The following UBE4B variants were observed in gnomAD, a reference collection of about 807,000 sequenced individuals.
UBE4B encodes ubiquitin conjugation factor E4 B.
Under a neutral mutation model 148.1 loss-of-function variants are expected in UBE4B, and 27 were observed. The ratio of observed to expected loss-of-function variants is 0.18; its 90% CI spans 0.13 to 0.25. The LOEUF is 0.25. Ranked by LOEUF, UBE4B falls within the 10% of genes least tolerant of loss-of-function variation. The probability of loss-of-function intolerance (pLI) is 1.00; values close to 1 mark genes in which losing one functional copy is unlikely to be tolerated. For synonymous variants in UBE4B, 596 were observed against 619.3 expected (o/e 0.96, Z 0.56); for missense variants, 1,170 against 1,662.4 (o/e 0.70, Z 5.15).
At chr1:10,117,021 C>T (rs933285396) in intron 7 of UBE4B, among the ~76,000 whole-genome samples, 1 of 152,138 alleles carries the variant, frequency 6.6e-6, no homozygotes, top group South Asian at 2.1e-4. Flanking sequence ...CTTTTGAGAT[C>T]CATGGTAGAA....
At chr1:10,037,218 G>C (rs1643573487) in intron 1 of UBE4B, among the ~76,000 whole-genome samples, 1 of 152,128 alleles carries the variant, frequency 6.6e-6, no homozygotes, top group African/African-American at 2.4e-5. Context: ...GTAGCGACGG[G>C]GTTTCTCCAT....
rs557323960 is a variant in UBE4B at position 10,042,912 on chromosome 1, T to C, written c.24+9218T>C. On this transcript the variant is annotated intron_variant, in intron 1 of 27. Coordinates refer to ENST00000343090, the MANE Select transcript of UBE4B (RefSeq NM_001105562.3). ...TTCAGAAGGCCTTGAGGTAAACTCA[T>C]TCTTGAGCTGTTCCAGGAATAGCAA... Among the ~76,000 whole-genome samples the C allele has an allele frequency of 2.0e-5, 3 of 152,120 alleles. No individual in the cohort carries two copies. The East Asian group carries it at 5.8e-4, about 29-fold the overall frequency.
At chr1:10,178,184 T>G (rs773337410) in intron 25 of UBE4B, among the ~76,000 whole-genome samples, 3 of 152,074 alleles carry the variant, frequency 2.0e-5, no homozygotes, top group Non-Finnish European at 2.9e-5. Context: ...CAATAGTGGA[T>G]TGTTTTTACC....
chr1:10,167,916 A>G, intron 23 of UBE4B, among the ~76,000 whole-genome samples: 1 of 152,116 alleles, frequency 6.6e-6, no homozygotes, highest in East Asian at 1.9e-4. Flanking sequence ...TCATTGAGGA[A>G]GCAGAGTTAA....
At chr1:10,070,719 G>A (rs1043187071) in intron 1 of UBE4B, among the ~76,000 whole-genome samples, 2 of 152,096 alleles carry the variant, frequency 1.3e-5, no homozygotes, top group African/African-American at 2.4e-5. Flanking sequence ...TTGAATGAAT[G>A]GATTAATTTT....
chr1:10,160,729 T>C (rs2102008709), intron 22 of UBE4B, among the ~76,000 whole-genome samples: 1 of 152,252 alleles, frequency 6.6e-6, no homozygotes, highest in South Asian at 2.1e-4. Flanking sequence ...GGAGGAACGC[T>C]TGAGCCCAGG....
chr1:10,169,413 G>A (rs1478378892), intron 24 of UBE4B, among the ~76,000 whole-genome samples: 1 of 152,196 alleles, frequency 6.6e-6, no homozygotes, highest in Non-Finnish European at 1.5e-5. Context: ...TCCCTGGCCT[G>A]GGGACAACTC....
chr1:10,104,840 C>G (rs979313766), intron 5 of UBE4B, among the ~76,000 whole-genome samples: 1 of 152,190 alleles, frequency 6.6e-6, no homozygotes, highest in Non-Finnish European at 1.5e-5. Context: ...CTCTGTCTTA[C>G]ACATGTAAGT....
intron 25 of UBE4B, among the ~76,000 whole-genome samples, chr1:10,172,353 G>A (rs2102033791): frequency 6.6e-6 from 1 of 152,254 alleles, no homozygotes; most frequent in East Asian, 1.9e-4. Context: ...CACCCATTTA[G>A]TCCTCACAAA....
chr1:10,147,454 C>A (rs1645893769), intron 19 of UBE4B, among the ~76,000 whole-genome samples: 1 of 152,176 alleles, frequency 6.6e-6, no homozygotes, highest in African/African-American at 2.4e-5. Flanking sequence ...GATCATGCTA[C>A]TGCACTCCAG....
intron 17 of UBE4B, among the ~76,000 whole-genome samples, chr1:10,137,791 G>T (rs2101959010): frequency 6.6e-6 from 1 of 152,172 alleles, no homozygotes; most frequent in East Asian, 1.9e-4. Context: ...AAATATTTTT[G>T]AGCAGGTTAT....
At chr1:10,157,091 C>A (rs977100245) in intron 21 of UBE4B, among the ~76,000 whole-genome samples, 2 of 152,190 alleles carry the variant, frequency 1.3e-5, no homozygotes, top group Admixed American at 6.6e-5. Context: ...TCTTGGCTCA[C>A]TGCAACCTCT....
chr1:10,157,742 A>G (rs535334975), intron 21 of UBE4B, among the ~76,000 whole-genome samples: 1 of 152,238 alleles, frequency 6.6e-6, no homozygotes, highest in South Asian at 2.1e-4. Context: ...GTGCTACTGC[A>G]CTCCAGCCTG....
intron 2 of UBE4B, among the ~76,000 whole-genome samples, chr1:10,074,262 C>A (rs188858855): frequency 7.2e-5 from 11 of 152,152 alleles, no homozygotes; most frequent in African/African-American, 2.6e-4. Context: ...GACCCTAGAT[C>A]CCATCTCCCT....
At chr1:10,050,082 G>GT (rs1644002351) in intron 1 of UBE4B, among the ~76,000 whole-genome samples, 3 of 151,686 alleles carry the variant, frequency 2.0e-5, no homozygotes, top group South Asian at 2.1e-4. Flanking sequence ...TGAAAGGCTG[G>GT]TTTTTTTTGA....
Position 10,149,278 on chromosome 1 carries a change from G to A in UBE4B, c.2686G>A (p.Val896Ile), listed in dbSNP as rs761330124. The change falls in exon 20 of 28, where the codon GTA (valine) becomes ATA (isoleucine). Residue 896 changes from valine to isoleucine, a missense_variant. Around this residue, in one of 6 missense-constraint regions of UBE4B, gnomAD observed 348 missense variants for 627.2 expected, o/e 0.55. Transcript: ENST00000343090. ...TGTTGCAGAATTTTTATTTTTTATTGTACAGTAAGTGCCTTTAATATTTTA... is the reference window on the plus strand; with the variant it reads ...TGTTGCAGAATTTTTATTTTTTATTATACAGTAAGTGCCTTTAATATTTTA... Reference protein sequence around the residue: ...EDVAEFLFFIVQYSPQALYEP... With the variant: ...EDVAEFLFFIIQYSPQALYEP... 14 of 1,599,526 alleles carry A rather than the reference G, an allele frequency of 8.8e-6. No homozygotes were observed. Among genetic ancestry groups the A allele is most frequent in the South Asian group, 5.7e-5 (5 of 88,438 alleles).
At chr1:10,063,089 G>C (rs1644318709) in intron 1 of UBE4B, among the ~76,000 whole-genome samples, 2 of 151,502 alleles carry the variant, frequency 1.3e-5, no homozygotes, top group South Asian at 4.2e-4. Flanking sequence ...CCAACATGGT[G>C]AAACCCCGTC....
intron 1 of UBE4B, among the ~76,000 whole-genome samples, chr1:10,061,640 A>G (rs748762077): frequency 2.4e-4 from 36 of 152,044 alleles, no homozygotes; most frequent in Admixed American, 7.2e-4. Context: ...TCTCCTTGAA[A>G]ATCTTGAGGG....
At chr1:10,129,329 A>T in intron 11 of UBE4B, 63 bp from the exon 12 acceptor site, 1 of 1,494,588 alleles carries the variant, frequency 6.7e-7, no homozygotes, top group Non-Finnish European at 9.3e-7. Context: ...CTGTTTCTTT[A>T]TGCTACAAAT....
Sources: gnomAD v4.1 joint callset for allele counts (sites outside exome capture counted in the v4.1 genomes callset) on GRCh38, gnomAD v4.1.1 for gene constraint, gnomAD v4.1.1 regional missense constraint, MANE v1.5 for transcripts, NCBI Gene and HGNC (gene_info 2026-07-23, HGNC 2026-07-21) for gene names.